The following MLXIP variants were observed in gnomAD, a reference collection of about 807,000 sequenced individuals.
The protein encoded by MLXIP is MLX interacting protein, also known as MLX-interacting protein.
In MLXIP, 30 loss-of-function variants were observed where a neutral mutation model predicts 87.2. The ratio of observed to expected loss-of-function variants is 0.34; its 90% CI spans 0.26 to 0.47. MLXIP has a LOEUF of 0.47. MLXIP is among the 20% of genes least tolerant of loss of function. The pLI is 1.00. For synonymous variants in MLXIP, 530 were observed against 514.0 expected (o/e 1.03, Z -0.42); for missense variants, 1,002 against 1,240.1 (o/e 0.81, Z 2.88).
At chr12:122,111,123 G>A (rs1023679289) in intron 1 of MLXIP, among the ~76,000 whole-genome samples, 3 of 151,790 alleles carry the variant, frequency 2.0e-5, no homozygotes, top group Admixed American at 6.6e-5. Context: ...GCTACCTGGC[G>A]AGTGTTACCT....
chr12:122,131,125 A>T (rs748749094), intron 7 of MLXIP, among the ~76,000 whole-genome samples, 192 bp downstream of exon 7: 1 of 152,166 alleles, frequency 6.6e-6, no homozygotes, highest in Non-Finnish European at 1.5e-5. Flanking sequence ...GACATTGTTC[A>T]GCAAGGAAAT....
chr12:122,093,476 TTGGTGTGTGGTGTGTGTG>T lies in MLXIP; in HGVS notation c.413+14213_413+14230del, dbSNP rs1952281753. On this transcript the variant is annotated intron_variant, in intron 1 of 16. Transcript: ENST00000319080. ...GGGTGTGTGTATGTTTGCGGTGTGT[TTGGTGTGTGGTGTGTGTG>T]TGCGGTGTCTGTGTTGGTGTGTGTG... 1.3e-4 allele frequency among the ~76,000 whole-genome samples: 16 copies of T among 127,976 alleles called. 1 individual carries two copies. The South Asian group carries it at 4.5e-3, about 36-fold the overall frequency. The allele number at this position is 127,976 out of a possible 152,430, so 84.0% of individuals were successfully genotyped here. A position where few individuals can be genotyped will look rare whatever the true frequency, so the allele number is the denominator to read the frequency against.
At position 122,142,484 on chromosome 12, in the gene MLXIP, G is replaced by T; in HGVS notation, c.*672G>T. ...GAATGGAAGCGTGTGATGCACGGTGGCTGCTCTGGCTGAGAGGCCCTGCTG... is the reference window on the plus strand; with the variant it reads ...GAATGGAAGCGTGTGATGCACGGTGTCTGCTCTGGCTGAGAGGCCCTGCTG... On this transcript the variant is annotated 3_prime_UTR_variant, in exon 17 of 17. Coordinates refer to ENST00000319080, the MANE Select transcript of MLXIP (RefSeq NM_014938.6). 2.7e-6 allele frequency: 1 copy of T among 363,896 alleles called. No individual in the cohort carries two copies. Among genetic ancestry groups the T allele is most frequent in the Non-Finnish European group, 5.4e-6 (1 of 184,006 alleles). 22.5% of individuals were successfully genotyped at this position (363,896 alleles called of 1,614,324 possible).
At chr12:122,084,142 GATT>G (rs1952130952) in intron 1 of MLXIP, among the ~76,000 whole-genome samples, 3 of 133,508 alleles carry the variant, frequency 2.2e-5, no homozygotes, top group African/African-American at 5.4e-5. Context: ...ATCTCAGCCA[GATT>G]GTGTGTGTGT....
intron 8 of MLXIP, 128 bp downstream of exon 8, chr12:122,132,511 A>G: frequency 1.4e-6 from 1 of 712,930 alleles, no homozygotes; most frequent in Non-Finnish European, 2.4e-6. Flanking sequence ...AAGCAGTGCT[A>G]GACCAGCACT....
intron 1 of MLXIP, among the ~76,000 whole-genome samples, chr12:122,103,601 A>G (rs1952472969): frequency 6.8e-6 from 1 of 147,688 alleles, no homozygotes; most frequent in African/African-American, 2.5e-5. Context: ...GCTCACTGCA[A>G]CCTCTGCCTC....
chr12:122,093,739 G>GGTGTGTGTGGTGTGGGTGTA (rs1952291007), intron 1 of MLXIP, among the ~76,000 whole-genome samples: 1 of 129,124 alleles, frequency 7.7e-6, no homozygotes, highest in Non-Finnish European at 1.7e-5. Flanking sequence ...GTGCCTGTGT[G>GGTGTGTGTGGTGTGGGTGTA]GTGTGTGTGG....
At chr12:122,129,847 C>T in intron 5 of MLXIP, 94 bp from the exon 6 acceptor site, 1 of 1,487,802 alleles carries the variant, frequency 6.7e-7, no homozygotes, top group Middle Eastern at 1.8e-4. Flanking sequence ...CACTGAGCAC[C>T]CCTTTGACGA....
chr12:122,141,831 G>T lies in MLXIP; in HGVS notation c.*19G>T, dbSNP rs572785478. On this transcript the variant is annotated 3_prime_UTR_variant, in exon 17 of 17. Coordinates refer to ENST00000319080, the MANE Select transcript of MLXIP (RefSeq NM_014938.6). Reference sequence around the variant, plus strand: ...GTCCTAGCTGCTTAGCTGGCATGTGGCCGCATGAGATGCCAGGAGACCCTT... The same window carrying T: ...GTCCTAGCTGCTTAGCTGGCATGTGTCCGCATGAGATGCCAGGAGACCCTT... 1.1e-5 allele frequency: 17 copies of T among 1,612,436 alleles called. No individual in the cohort carries two copies. The Middle Eastern group carries it at 5.4e-4, about 52-fold the overall frequency.
intron 11 of MLXIP, chr12:122,136,459 C>CAAAAAAAAAAAAAAA (rs1224302321): frequency 4.6e-4 from 13 of 28,154 alleles, no homozygotes; most frequent in African/African-American, 9.3e-4. Context: ...TCAAAAAATG[C>CAAAAAAAAAAAAAAA]AAAAAAAAAA....
At chr12:122,094,695 T>C (rs1952320845) in intron 1 of MLXIP, among the ~76,000 whole-genome samples, 1 of 140,992 alleles carries the variant, frequency 7.1e-6, no homozygotes, top group African/African-American at 2.7e-5. Flanking sequence ...CTGTTGTGTG[T>C]TGTGTGTGTG....
At chr12:122,121,564 C>T (rs1277847389) in intron 1 of MLXIP, among the ~76,000 whole-genome samples, 1 of 152,082 alleles carries the variant, frequency 6.6e-6, no homozygotes, top group African/African-American at 2.4e-5. Context: ...GCCACCGTGC[C>T]CGGCCTCTGC....
intron 1 of MLXIP, among the ~76,000 whole-genome samples, chr12:122,085,172 C>T (rs1046361017): frequency 1.5e-4 from 23 of 152,038 alleles, no homozygotes; most frequent in Admixed American, 3.9e-4. Context: ...TCCCTGCTGG[C>T]GAAACCCTGT....
rs370188119 is a variant in MLXIP, at chr12:122,133,951, G to A, written c.1696G>A (p.Val566Met). The change falls in exon 9 of 17, where the codon GTG (valine) becomes ATG (methionine). Residue 566 changes from valine to methionine, a missense_variant. By Grantham distance (21) the Val-to-Met change is conservative. This residue lies in a region of MLXIP where 746 missense variants were observed against 897.0 expected (regional missense o/e 0.83). Coordinates refer to ENST00000319080, the MANE Select transcript of MLXIP (RefSeq NM_014938.6). The surrounding 1 kb of genome is among the most constrained non-coding windows in gnomAD (Gnocchi z 4.9). ...AGTGCCTGCTCCCAAACCAGAGCCC[G>A]TGTCCTTGGTGTTGAAGAATGCCCG... ...KIVPAPKPEP[V>M]SLVLKNARIA... 120 of 1,604,908 alleles carry A rather than the reference G, an allele frequency of 7.5e-5. No homozygotes were observed. The highest frequency in any genetic ancestry group is 9.2e-5 in the Non-Finnish European group (108 of 1,175,770).
chr12:122,135,417 C>A lies in MLXIP; in HGVS notation c.1854+72C>A, dbSNP rs921950272. On this transcript the variant is annotated intron_variant, in intron 10 of 16. Coordinates refer to ENST00000319080, the MANE Select transcript of MLXIP (RefSeq NM_014938.6). The surrounding 1 kb of genome is among the most constrained non-coding windows in gnomAD (Gnocchi z 5.3). ...GCACTCTGATCTTGGGCGGCCCTCA[C>A]CTGAGACGACTGGTGTGCCGCCCTG... 1.9e-6 allele frequency: 3 copies of A among 1,601,478 alleles called. No homozygotes were observed. Among genetic ancestry groups the A allele is most frequent in the Admixed American group, 1.7e-5 (1 of 59,206 alleles).
rs1169649594 is a variant in MLXIP, at chr12:122,130,723, C to T, written c.911-121C>T. On this transcript the variant is annotated intron_variant, in intron 6 of 16. Coordinates refer to ENST00000319080, the MANE Select transcript of MLXIP (RefSeq NM_014938.6). ...ACCCTGAGAAGGTAGAAATCCCAGC[C>T]AGCTCCTTGGAAGACTCTGGGATGT... 1.1e-5 allele frequency: 8 copies of T among 706,102 alleles called. No homozygotes were observed. The East Asian group carries it at 1.8e-4, about 16-fold the overall frequency. 43.7% of individuals were successfully genotyped at this position (706,102 alleles called of 1,614,324 possible).
Position 122,135,825 on chromosome 12 carries a change from C to T in MLXIP, c.2032+159C>T, listed in dbSNP as rs938712474. The T allele has an allele frequency of 4.0e-5, 35 of 884,700 alleles. No homozygotes were observed. Among genetic ancestry groups the T allele is most frequent in the Admixed American group, 2.5e-4 (7 of 28,502 alleles). 54.8% of individuals were successfully genotyped at this position (884,700 alleles called of 1,614,324 possible). On this transcript the variant is annotated intron_variant, in intron 11 of 16. Transcript: ENST00000319080. This position sits in a 1 kb window ranked among gnomAD's most constrained non-coding sequence, Gnocchi z 5.3. ...CTGCTGATAACACAGTCTGGGAACACGCTCTGTGGGTGGCAGGATGAAATG... is the reference window on the plus strand; with the variant it reads ...CTGCTGATAACACAGTCTGGGAACATGCTCTGTGGGTGGCAGGATGAAATG...
chr12:122,137,349 A>G lies in MLXIP; in HGVS notation c.2033-120A>G. On this transcript the variant is annotated intron_variant, in intron 11 of 16. Transcript: ENST00000319080. This position sits in a 1 kb window ranked among gnomAD's most constrained non-coding sequence, Gnocchi z 4.1. Reference sequence around the variant, plus strand: ...GGAAGCATGTGTGTGCAGTTGAAAGAACCAAGTGCAATACGTGGCTAGCAG... The same window carrying G: ...GGAAGCATGTGTGTGCAGTTGAAAGGACCAAGTGCAATACGTGGCTAGCAG... The G allele has an allele frequency of 9.3e-7, 1 of 1,080,604 alleles. No individual in the cohort carries two copies. Among genetic ancestry groups the G allele is most frequent in the Non-Finnish European group, 1.3e-6 (1 of 775,902 alleles). The allele number at this position is 1,080,604 out of a possible 1,614,324, so 66.9% of individuals were successfully genotyped here. A position where few individuals can be genotyped will look rare whatever the true frequency, so the allele number is the denominator to read the frequency against.
chr12:122,128,027 G>A (rs1373801998), intron 3 of MLXIP, 59 bp downstream of exon 3: 2 of 1,446,232 alleles, frequency 1.4e-6, no homozygotes, highest in East Asian at 4.6e-5. Flanking sequence ...CTCACCGGGA[G>A]TGGCTCACCG....
Sources: gnomAD v4.1 joint callset for allele counts (sites outside exome capture counted in the v4.1 genomes callset) on GRCh38, gnomAD v4.1.1 for gene constraint, gnomAD v4.1.1 regional missense constraint, Gnocchi (gnomAD v3.1) non-coding constraint, MANE v1.5 for transcripts, NCBI Gene and HGNC (gene_info 2026-07-23, HGNC 2026-07-21) for gene names.